Variants in UNC13C observed in about 807,000 individuals in gnomAD.
The protein encoded by UNC13C is protein unc-13 homolog C.
UNC13C carries 174 observed loss-of-function variants against 245.4 expected under a neutral mutation model. The observed-to-expected ratio is 0.71, with a 90% CI of 0.63 to 0.80. The LOEUF is 0.80. UNC13C is among the 30% of genes least tolerant of loss of function. The pLI is 0.00. For missense variants in UNC13C, 2,829 were observed against 2,602.9 expected (o/e 1.09, Z -1.89); for synonymous variants, 992 against 895.1 (o/e 1.11, Z -1.93).
intron 13 of UNC13C, among the ~76,000 whole-genome samples, chr15:54,306,630 T>G (rs976174924): frequency 6.6e-6 from 1 of 151,998 alleles, no homozygotes; most frequent in African/African-American, 2.4e-5. Flanking sequence ...TGGAGATTAT[T>G]TCTGTCAAGA....
chr15:54,002,741 G>C (rs1454575422), intron 1 of UNC13C, among the ~76,000 whole-genome samples: 5 of 152,158 alleles, frequency 3.3e-5, no homozygotes, highest in African/African-American at 1.2e-4. Context: ...ATCTCAAACA[G>C]TTTCCAATTC....
At chr15:54,511,266 C>G (rs1894725950) in intron 23 of UNC13C, among the ~76,000 whole-genome samples, 1 of 151,998 alleles carries the variant, frequency 6.6e-6, no homozygotes, top group South Asian at 2.1e-4. Context: ...CAGGTTAAAG[C>G]CAGAAGAAAA....
chr15:53,898,868 T>C, the UNC13C span, among the ~76,000 whole-genome samples: 141 of 152,320 alleles, frequency 9.3e-4, no homozygotes, highest in Admixed American at 3.3e-3. Flanking sequence ...CTATATTCGC[T>C]ATGCTGTACA....
At chr15:54,469,081 A>G (rs910012195) in intron 19 of UNC13C, among the ~76,000 whole-genome samples, 5 of 151,472 alleles carry the variant, frequency 3.3e-5, no homozygotes, top group Admixed American at 6.6e-5. Context: ...AGGGATGTCT[A>G]TTTTCTCATG....
chr15:53,883,031 C>T, the UNC13C span, among the ~76,000 whole-genome samples: 3,274 of 152,018 alleles, frequency 0.022, 134 homozygotes, highest in African/African-American at 0.074. Context: ...CTGCACATCC[C>T]GCACATGTAC....
chr15:54,138,334 G>T (rs1366351714), intron 2 of UNC13C, among the ~76,000 whole-genome samples: 1 of 152,012 alleles, frequency 6.6e-6, no homozygotes. Flanking sequence ...CAGAATCTTG[G>T]AAAATATAAG....
chr15:53,936,213 G>C, the UNC13C span, among the ~76,000 whole-genome samples: 1 of 152,188 alleles, frequency 6.6e-6, no homozygotes, highest in Non-Finnish European at 1.5e-5. Context: ...TGGCTCTGGG[G>C]AGTCTGGGCA....
intron 17 of UNC13C, among the ~76,000 whole-genome samples, chr15:54,354,823 T>C (rs867820050): frequency 6.6e-6 from 1 of 152,220 alleles, no homozygotes; most frequent in Admixed American, 6.5e-5. Flanking sequence ...AGTTACTTGC[T>C]ATGGTTTGAA....
intron 18 of UNC13C, among the ~76,000 whole-genome samples, chr15:54,394,128 T>C (rs1183847976): frequency 6.6e-6 from 1 of 151,862 alleles, no homozygotes; most frequent in East Asian, 1.9e-4. Context: ...ACCGTTAGGG[T>C]CATTGTTTAT....
intron 19 of UNC13C, among the ~76,000 whole-genome samples, chr15:54,462,744 G>T (rs1400991191): frequency 3.3e-5 from 5 of 152,210 alleles, no homozygotes; most frequent in Admixed American, 3.3e-4. Flanking sequence ...CAACCCATGG[G>T]CTCCCGCGCA....
intron 32 of UNC13C, among the ~76,000 whole-genome samples, chr15:54,625,364 A>AG (rs1901067456): frequency 6.6e-6 from 1 of 152,166 alleles, no homozygotes; most frequent in Admixed American, 6.5e-5. Context: ...GTGGATCCAC[A>AG]GGGGGAAACT....
At chr15:53,976,585 C>A (rs1049574726), upstream of UNC13C, among the ~76,000 whole-genome samples, 10 of 148,818 alleles carry the variant, frequency 6.7e-5, no homozygotes, top group African/African-American at 2.5e-4. Context: ...GATTCTACTG[C>A]CTCAGCCTCC....
At chr15:54,198,264 C>G (rs2034419486) in intron 4 of UNC13C, among the ~76,000 whole-genome samples, 1 of 152,096 alleles carries the variant, frequency 6.6e-6, no homozygotes, top group Non-Finnish European at 1.5e-5. Context: ...AGACAAAGCT[C>G]ATGATCTCTT....
the UNC13C span, among the ~76,000 whole-genome samples, chr15:53,851,182 C>T: frequency 2.6e-5 from 4 of 151,698 alleles, no homozygotes; most frequent in African/African-American, 9.7e-5. Context: ...TTTTAATTGC[C>T]TTTTTTCTGG....
chr15:54,327,433 C>T (rs183017537), intron 14 of UNC13C, among the ~76,000 whole-genome samples: 40 of 151,094 alleles, frequency 2.6e-4, no homozygotes, highest in African/African-American at 7.3e-4. Flanking sequence ...TTTTAATGGA[C>T]GCTTTAGAAG....
chr15:54,490,214 ACT>A (rs1489177715), intron 19 of UNC13C, among the ~76,000 whole-genome samples: 1 of 152,176 alleles, frequency 6.6e-6, no homozygotes, highest in Non-Finnish European at 1.5e-5. Context: ...TAGCAGGTAC[ACT>A]CTTAGGAACT....
At chr15:53,863,508 A>G in the UNC13C span, among the ~76,000 whole-genome samples, 1 of 152,200 alleles carries the variant, frequency 6.6e-6, no homozygotes, top group Admixed American at 6.5e-5. Context: ...TTATACAGGC[A>G]CAACAGATTT....
chr15:54,573,411 T>C (rs1013830511), intron 30 of UNC13C, among the ~76,000 whole-genome samples: 2 of 152,230 alleles, frequency 1.3e-5, no homozygotes, highest in East Asian at 1.9e-4. Flanking sequence ...GTTCCAAACA[T>C]GGAAAATAAA....
At chr15:54,332,830 A>G (rs962500057) in intron 15 of UNC13C, among the ~76,000 whole-genome samples, 5 of 151,968 alleles carry the variant, frequency 3.3e-5, no homozygotes, top group East Asian at 1.9e-4. Context: ...TAACATATCT[A>G]TCTCCCATGC....
Sources: gnomAD v4.1 joint callset for allele counts (sites outside exome capture counted in the v4.1 genomes callset) on GRCh38, gnomAD v4.1.1 for gene constraint, MANE v1.5 for transcripts, NCBI Gene and HGNC (gene_info 2026-07-23, HGNC 2026-07-21) for gene names.